Variants in FANCM observed in about 807,000 individuals in gnomAD.
FANCM encodes FA complementation group M.
FANCM carries 140 observed loss-of-function variants against 199.5 expected under a neutral mutation model. That is an observed-to-expected ratio of 0.70 (90% CI 0.61 to 0.81). FANCM has a LOEUF of 0.81. Among genes scored for constraint, FANCM ranks in the 30% least tolerant of loss-of-function variants. The probability of loss-of-function intolerance (pLI) is 0.00; values close to 1 mark genes in which losing one functional copy is unlikely to be tolerated. For missense variants in FANCM, 2,410 were observed against 2,421.4 expected (o/e 1.00, Z 0.10); for synonymous variants, 840 against 836.8 (o/e 1.00, Z -0.07).
chr14:45,176,852 A>G lies in FANCM; in HGVS notation c.4098A>G (p.Glu1366=). ...EILKTPDSSK[E]KVNLQRFKEA... ...TTAAGACACCAGATTCTAGTAAGGA[A>G]AAAGTAAACCTACAAAGATTCAAAG... The change falls in exon 14 of 23, where the codon GAA becomes GAG. Residue 1366 remains glutamate, a synonymous_variant. Coordinates refer to ENST00000267430, the MANE Select transcript of FANCM (RefSeq NM_020937.4). 6.2e-7 allele frequency: 1 copy of G among 1,607,508 alleles called. No individual in the cohort carries two copies. The highest frequency in any genetic ancestry group is 8.5e-7 in the Non-Finnish European group (1 of 1,176,116).
chr14:45,147,937 C>T (rs1194564626), intron 3 of FANCM, among the ~76,000 whole-genome samples: 1 of 151,390 alleles, frequency 6.6e-6, no homozygotes, highest in Non-Finnish European at 1.5e-5. Context: ...ATGCCTCACA[C>T]CTGTAATCCC....
Position 45,163,675 on chromosome 14 carries a change from A to T in FANCM, c.1582-684A>T, listed in dbSNP as rs184164973. Reference sequence around the variant, plus strand: ...AGAAATATTTATAAACCTATTTCAGATAAAGCTATACATTTAGGTCTAAGA... The same window carrying T: ...AGAAATATTTATAAACCTATTTCAGTTAAAGCTATACATTTAGGTCTAAGA... On this transcript the variant is annotated intron_variant, in intron 9 of 22. Coordinates refer to ENST00000267430, the MANE Select transcript of FANCM (RefSeq NM_020937.4). Among the ~76,000 whole-genome samples, 3 of 152,346 alleles carry T rather than the reference A, an allele frequency of 2.0e-5. No individual in the cohort carries two copies. The East Asian group carries it at 5.8e-4, about 29-fold the overall frequency.
chr14:45,167,225 CTT>C, intron 11 of FANCM, 62 bp downstream of exon 11: 2 of 921,146 alleles, frequency 2.2e-6, no homozygotes, highest in Non-Finnish European at 1.8e-6. Flanking sequence ...CAGGTCGTAT[CTT>C]GATATAATAT....
intron 10 of FANCM, among the ~76,000 whole-genome samples, chr14:45,164,890 T>G (rs1484184826): frequency 6.6e-6 from 1 of 152,242 alleles, no homozygotes; most frequent in Admixed American, 6.5e-5. Context: ...GTGTTTAGTT[T>G]ACTTTTCTTT....
rs751954386 is a variant in FANCM at position 45,181,477 on chromosome 14, C to T, written c.4270C>T (p.Arg1424Ter). Residue 1424 changes from arginine to a stop codon, truncating the protein, a stop_gained, in exon 15 of 23, where the codon CGA (arginine) becomes TGA (stop). Transcript: ENST00000267430. LOFTEE classifies it high-confidence loss of function. Reference sequence around the variant, plus strand: ...CGAAAGTGAAGATGACGAGATTTTCCGAAGAAAAGTTAAAAGAGCAAAAGG... The same window carrying T: ...CGAAAGTGAAGATGACGAGATTTTCTGAAGAAAAGTTAAAAGAGCAAAAGG... ...SNESEDDEIF[R>*]RKVKRAKGNV... 8.1e-6 allele frequency: 13 copies of T among 1,608,326 alleles called. No homozygotes were observed. Among genetic ancestry groups the T allele is most frequent in the East Asian group, 2.2e-5 (1 of 44,714 alleles).
Position 45,184,050 on chromosome 14 carries a change from TAAATTC to T in FANCM, c.4515+152_4515+157del, listed in dbSNP as rs1189852315. 1.5e-5 allele frequency: 9 copies of T among 599,644 alleles called. No individual in the cohort carries two copies. In the African/African-American group the frequency reaches 1.7e-4, roughly 11 times the overall value. The allele number at this position is 599,644 out of a possible 1,614,324, so 37.1% of individuals were successfully genotyped here. ...CCATTTAGATTTTTTTTACTGGAAT[TAAATTC>T]AAAGTAGTTTTTTTTTGTTTATCTT... On this transcript the variant is annotated intron_variant, in intron 17 of 22. Coordinates refer to ENST00000267430, the MANE Select transcript of FANCM (RefSeq NM_020937.4).
At position 45,140,639 on chromosome 14, in the gene FANCM, G is replaced by A. The variant is rs765870297; in HGVS notation, c.689G>A (p.Arg230Lys). ...AACTTTTTTTTTCTTAAGGTTGTAA[G>A]AGAACTAGTCAAATATACAAATCAC... ...LGNYAYCQVV[R>K]ELVKYTNHFR... Residue 230 changes from arginine (R) to lysine (K), a missense_variant, in exon 3 of 23, where the codon AGA (arginine) becomes AAA (lysine). Transcript: ENST00000267430. The A allele has an allele frequency of 6.3e-7, 1 of 1,586,362 alleles. No homozygotes were observed. Among genetic ancestry groups the A allele is most frequent in the Non-Finnish European group, 8.7e-7 (1 of 1,156,038 alleles).
intron 10 of FANCM, 42 bp downstream of exon 10, chr14:45,164,607 G>A (rs1163470084): frequency 1.4e-6 from 2 of 1,407,260 alleles, no homozygotes; most frequent in Non-Finnish European, 2.0e-6. Flanking sequence ...CTTGAAATTT[G>A]AGAAATACAG....
rs1888022635 is a variant in FANCM, at chr14:45,166,981, G to A, written c.1820G>A (p.Ser607Asn). The change falls in exon 11 of 23, where the codon AGT becomes AAT. Residue 607 changes from serine to asparagine, a missense_variant. Physicochemically the swap from Ser to Asn is conservative, Grantham distance 46. Coordinates refer to ENST00000267430, the MANE Select transcript of FANCM (RefSeq NM_020937.4). Reference protein sequence around the residue: ...IYNQSQSNKRSIYKAISSNRQ... With the variant: ...IYNQSQSNKRNIYKAISSNRQ... ...AATCAGAGTCAGTCCAACAAAAGAA[G>A]TATATATAAAGCTATTTCAAGTAAC... 3 of 1,594,738 alleles carry A rather than the reference G, an allele frequency of 1.9e-6. No homozygotes were observed. The highest frequency in any genetic ancestry group is 2.6e-6 in the Non-Finnish European group (3 of 1,162,484).
At chr14:45,140,779 AC>A in intron 3 of FANCM, 70 bp downstream of exon 3, 1 of 948,242 alleles carries the variant, frequency 1.1e-6, no homozygotes, top group Non-Finnish European at 1.7e-6. Context: ...AGTGAGTCAT[AC>A]CTGTAATCCT....
intron 17 of FANCM, 83 bp from the exon 18 acceptor site, chr14:45,185,134 C>T (rs1889314253): frequency 2.1e-6 from 2 of 952,264 alleles, no homozygotes; most frequent in African/African-American, 3.3e-5. Context: ...GATAAGAAAT[C>T]AGTTTTCCAG....
At chr14:45,140,554 G>A (rs1266035718) in intron 2 of FANCM, 78 bp from the exon 3 acceptor site, 1 of 784,974 alleles carries the variant, frequency 1.3e-6, no homozygotes, top group Non-Finnish European at 2.3e-6. Flanking sequence ...AAGGGACCAT[G>A]TATAATAGGT....
At chr14:45,184,390 G>A (rs939343416) in intron 17 of FANCM, among the ~76,000 whole-genome samples, 5 of 152,104 alleles carry the variant, frequency 3.3e-5, no homozygotes, top group Non-Finnish European at 7.4e-5. Flanking sequence ...GGCTGGGCGC[G>A]GTGGCTCACG....
chr14:45,176,142 C>A lies in FANCM; in HGVS notation c.3388C>A (p.Gln1130Lys), dbSNP rs1460975135. 1.2e-6 allele frequency: 2 copies of A among 1,613,944 alleles called. No individual in the cohort carries two copies. The highest frequency in any genetic ancestry group is 2.7e-5 in the African/African-American group (2 of 75,024). Residue 1130 changes from glutamine to lysine, a missense_variant, in exon 14 of 23, where the codon CAA (glutamine) becomes AAA (lysine). Gln to Lys is a moderately conservative substitution (Grantham distance 53). Transcript: ENST00000267430. ...TGACCTCCCAGTATTGTCCACTGAT[C>A]AAGATGAAAGTTTGCTGTTATTTGA... ...NSDLPVLSTD[Q>K]DESLLLFEDV...
At chr14:45,151,565 A>G in intron 5 of FANCM, 37 bp downstream of exon 5, 1 of 1,573,854 alleles carries the variant, frequency 6.4e-7, no homozygotes, top group Non-Finnish European at 8.7e-7. Context: ...GACAGATTAA[A>G]TTTTCACTGA....
At chr14:45,166,020 A>G (rs1008587435) in intron 10 of FANCM, among the ~76,000 whole-genome samples, 1 of 152,230 alleles carries the variant, frequency 6.6e-6, no homozygotes, top group Non-Finnish European at 1.5e-5. Flanking sequence ...ACTTCTATGT[A>G]AATATCAGTC....
chr14:45,192,484 A>T (rs1889823002), intron 20 of FANCM, among the ~76,000 whole-genome samples: 1 of 152,224 alleles, frequency 6.6e-6, no homozygotes, highest in African/African-American at 2.4e-5. Context: ...ACTACTAAAA[A>T]TACAAAAAAT....
Position 45,137,233 on chromosome 14 carries a change from T to C in FANCM, c.673T>C (p.Tyr225His), listed in dbSNP as rs771120876. ...TCATAAAGCTCTCGGAAACTATGCT[T>C]ATTGCCAGGTAATAATTTTGTTAAA... ...EAHKALGNYA[Y>H]CQVVRELVKY... The change falls in exon 2 of 23, where the codon TAT becomes CAT. Residue 225 changes from tyrosine to histidine, a missense_variant. By Grantham distance (83) the Tyr-to-His change is moderately conservative. Coordinates refer to ENST00000267430, the MANE Select transcript of FANCM (RefSeq NM_020937.4). The C allele has an allele frequency of 1.9e-6, 3 of 1,611,676 alleles. No individual in the cohort carries two copies. In the Admixed American group the frequency reaches 5.0e-5, roughly 27 times the overall value.
At chr14:45,170,903 C>T (rs971425366) in intron 12 of FANCM, among the ~76,000 whole-genome samples, 157 bp downstream of exon 12, 3 of 151,944 alleles carry the variant, frequency 2.0e-5, no homozygotes, top group Non-Finnish European at 4.4e-5. Flanking sequence ...AGAATGTAAT[C>T]AGTGTAAGAA....
Sources: allele counts gnomAD v4.1 joint callset (sites outside exome capture counted in the v4.1 genomes callset), GRCh38; gene constraint gnomAD v4.1.1; transcripts MANE v1.5; gene names NCBI Gene and HGNC (gene_info 2026-07-23, HGNC 2026-07-21).